The following PTPRG variants were observed in gnomAD, a reference collection of about 807,000 sequenced individuals.
PTPRG encodes the protein receptor-type tyrosine-protein phosphatase gamma.
In PTPRG, 102 loss-of-function variants were observed where a neutral mutation model predicts 165.3. That is an observed-to-expected ratio of 0.62 (90% confidence interval 0.53 to 0.73). The LOEUF is 0.73. Ranked by LOEUF, PTPRG falls within the 30% of genes least tolerant of loss-of-function variation. The pLI is 0.00. For missense variants in PTPRG, 1,866 were observed against 1,861.4 expected (o/e 1.00, Z -0.05); for synonymous variants, 675 against 669.5 (o/e 1.01, Z -0.13).
intron 1 of PTPRG, among the ~76,000 whole-genome samples, chr3:61,653,870 A>ATG (rs1286817809): frequency 8.3e-6 from 1 of 121,190 alleles, no homozygotes; most frequent in Non-Finnish European, 1.7e-5. Flanking sequence ...TAGAAGCAGC[A>ATG]TGTGTGCAGG....
chr3:61,618,591 C>T (rs6804177), intron 1 of PTPRG, among the ~76,000 whole-genome samples: 9,481 of 151,754 alleles, frequency 0.062, 928 homozygotes, highest in African/African-American at 0.21. Flanking sequence ...CAGTGGATGT[C>T]GAGGGGAAAA....
At chr3:62,265,504 T>C (rs897230713) in intron 17 of PTPRG, among the ~76,000 whole-genome samples, 1 of 152,174 alleles carries the variant, frequency 6.6e-6, no homozygotes, top group Non-Finnish European at 1.5e-5. Flanking sequence ...TAGTTTTTTC[T>C]TGATTCCTTG....
intron 4 of PTPRG, among the ~76,000 whole-genome samples, chr3:62,061,979 G>C (rs1192849208): frequency 6.6e-6 from 1 of 151,742 alleles, no homozygotes; most frequent in Non-Finnish European, 1.5e-5. Flanking sequence ...ATGGCTGGCT[G>C]TTGGAGAGTG....
intron 1 of PTPRG, among the ~76,000 whole-genome samples, chr3:61,654,577 G>C (rs554464565): frequency 6.6e-6 from 1 of 151,790 alleles, no homozygotes; most frequent in Non-Finnish European, 1.5e-5. Flanking sequence ...GTAGAGATGA[G>C]GTTTCGTCAT....
intron 4 of PTPRG, among the ~76,000 whole-genome samples, chr3:62,068,198 T>C (rs1400104780): frequency 1.3e-5 from 2 of 152,194 alleles, no homozygotes; most frequent in East Asian, 3.9e-4. Flanking sequence ...TTAATTGATG[T>C]AAAACGTTCA....
chr3:61,640,241 A>G (rs916377607), intron 1 of PTPRG, among the ~76,000 whole-genome samples: 3 of 152,212 alleles, frequency 2.0e-5, no homozygotes, highest in Non-Finnish European at 4.4e-5. Context: ...AATTCATAGC[A>G]TCCTTAAGGG....
At chr3:61,877,873 GA>G (rs2037786945) in intron 2 of PTPRG, among the ~76,000 whole-genome samples, 1 of 152,140 alleles carries the variant, frequency 6.6e-6, no homozygotes, top group African/African-American at 2.4e-5. Flanking sequence ...TTGTATTTTT[GA>G]ATATAGAAGG....
intron 1 of PTPRG, among the ~76,000 whole-genome samples, chr3:61,600,188 ATATATG>A (rs1419989170): frequency 2.0e-4 from 26 of 133,324 alleles, no homozygotes; most frequent in African/African-American, 5.6e-4. Flanking sequence ...ATATATATAT[ATATATG>A]TGTGTGTGTG....
intron 4 of PTPRG, among the ~76,000 whole-genome samples, chr3:62,057,995 A>T (rs1700686634): frequency 6.6e-6 from 1 of 152,178 alleles, no homozygotes; most frequent in African/African-American, 2.4e-5. Context: ...CAATACTCTA[A>T]CCCTTAGACC....
At chr3:61,642,376 G>T (rs984865283) in intron 1 of PTPRG, among the ~76,000 whole-genome samples, 7 of 152,156 alleles carry the variant, frequency 4.6e-5, no homozygotes, top group African/African-American at 1.4e-4. Context: ...CCAGCCTCTT[G>T]AGATCTTCTG....
At chr3:61,772,781 C>T (rs2034248683) in intron 2 of PTPRG, among the ~76,000 whole-genome samples, 2 of 152,198 alleles carry the variant, frequency 1.3e-5, no homozygotes, top group South Asian at 4.1e-4. Context: ...CAAAGCACTG[C>T]AGTATCTATC....
chr3:62,205,433 C>T (rs1038295967), intron 12 of PTPRG, among the ~76,000 whole-genome samples: 1 of 152,226 alleles, frequency 6.6e-6, no homozygotes, highest in African/African-American at 2.4e-5. Context: ...GACTTCTCTT[C>T]TCTTGGGGTT....
chr3:61,936,746 T>G (rs1362378129), intron 2 of PTPRG, among the ~76,000 whole-genome samples: 1 of 152,172 alleles, frequency 6.6e-6, no homozygotes, highest in African/African-American at 2.4e-5. Flanking sequence ...ATCCTTACGT[T>G]TTGGATGTGG....
chr3:61,886,047 C>T (rs566945037), intron 2 of PTPRG, among the ~76,000 whole-genome samples: 8 of 151,960 alleles, frequency 5.3e-5, no homozygotes, highest in East Asian at 2.0e-4. Flanking sequence ...CAGGACAACT[C>T]GAGCACCACC....
At chr3:61,953,320 T>C (rs72885827) in intron 2 of PTPRG, among the ~76,000 whole-genome samples, 1 of 152,058 alleles carries the variant, frequency 6.6e-6, no homozygotes, top group Non-Finnish European at 1.5e-5. Flanking sequence ...GGGGCAAAAA[T>C]AGAGAGAAAC....
chr3:61,607,965 G>T (rs921175045), intron 1 of PTPRG, among the ~76,000 whole-genome samples: 15 of 152,214 alleles, frequency 9.9e-5, no homozygotes, highest in African/African-American at 3.6e-4. Flanking sequence ...AATATTTCCA[G>T]AGAAACTAGA....
intron 2 of PTPRG, among the ~76,000 whole-genome samples, chr3:61,855,210 A>T (rs1490999203): frequency 6.6e-6 from 1 of 152,190 alleles, no homozygotes; most frequent in African/African-American, 2.4e-5. Flanking sequence ...CCTGTAAGGT[A>T]AAAGTAATAG....
chr3:61,568,734 C>G (rs192117671), intron 1 of PTPRG, among the ~76,000 whole-genome samples: 1 of 151,984 alleles, frequency 6.6e-6, no homozygotes, highest in African/African-American at 2.4e-5. Context: ...ATAGTGAAAC[C>G]CTGTCTCTTC....
At chr3:61,647,948 G>A (rs968051108) in intron 1 of PTPRG, among the ~76,000 whole-genome samples, 1 of 152,094 alleles carries the variant, frequency 6.6e-6, no homozygotes, top group Non-Finnish European at 1.5e-5. Flanking sequence ...GGCCCGTTAT[G>A]GCTTGTCTAT....
Sources: gnomAD v4.1 joint callset for allele counts (sites outside exome capture counted in the v4.1 genomes callset) on GRCh38, gnomAD v4.1.1 for gene constraint, MANE v1.5 for transcripts, NCBI Gene and HGNC (gene_info 2026-07-23, HGNC 2026-07-21) for gene names.